The following IPMK variants were observed in gnomAD, a reference collection of about 807,000 sequenced individuals.
The protein encoded by IPMK is inositol 1,3,4,6-tetrakisphosphate 5-kinase.
IPMK carries 17 observed loss-of-function variants against 45.8 expected under a neutral mutation model. The observed-to-expected ratio is 0.37, with a 90% CI of 0.25 to 0.56. The LOEUF is 0.56. Ranked by LOEUF, IPMK falls within the 20% of genes least tolerant of loss-of-function variation. The pLI is 0.79. For missense variants in IPMK, 399 were observed against 498.0 expected, an observed-to-expected ratio of 0.80 and a Z score of 1.89; for synonymous variants, 180 against 184.3, an observed-to-expected ratio of 0.98 and a Z score of 0.19.
chr10:58,217,151 T>A (rs373427667), intron 3 of IPMK, among the ~76,000 whole-genome samples: 3 of 139,576 alleles, frequency 2.1e-5, no homozygotes, highest in African/African-American at 8.3e-5. Context: ...GCCCAGCCCA[T>A]CTTGCTTTTT....
At chr10:58,246,655 A>C (rs1015836181) in intron 1 of IPMK, among the ~76,000 whole-genome samples, 1 of 147,672 alleles carries the variant, frequency 6.8e-6, no homozygotes, top group Non-Finnish European at 1.5e-5. Context: ...AAATCAATTC[A>C]AGATGGATTA....
intron 1 of IPMK, among the ~76,000 whole-genome samples, chr10:58,238,735 A>C (rs190301873): frequency 6.6e-6 from 1 of 152,192 alleles, no homozygotes; most frequent in Non-Finnish European, 1.5e-5. Flanking sequence ...AAATTCAATC[A>C]TTGTGCTTAT....
intron 1 of IPMK, among the ~76,000 whole-genome samples, chr10:58,242,415 G>A (rs1250044067): frequency 6.9e-6 from 1 of 145,252 alleles, no homozygotes; most frequent in Non-Finnish European, 1.5e-5. Context: ...AGTCGCGATT[G>A]TGCCACTGCA....
chr10:58,209,825 G>T (rs1338080505), intron 4 of IPMK, among the ~76,000 whole-genome samples: 1 of 152,214 alleles, frequency 6.6e-6, no homozygotes, highest in Non-Finnish European at 1.5e-5. Flanking sequence ...TCCTTCCTGG[G>T]AGCAGTTATT....
chr10:58,244,592 A>G (rs1191156004), intron 1 of IPMK, among the ~76,000 whole-genome samples: 1 of 151,816 alleles, frequency 6.6e-6, no homozygotes, highest in Non-Finnish European at 1.5e-5. Context: ...TTTTGTCGAA[A>G]AAAAAGAAAA....
intron 4 of IPMK, 73 bp downstream of exon 4, chr10:58,216,072 A>C (rs968125747): frequency 9.4e-6 from 9 of 953,506 alleles, no homozygotes; most frequent in Non-Finnish European, 1.3e-5. Context: ...TTAGTACTAC[A>C]ATGACATCCA....
intron 1 of IPMK, among the ~76,000 whole-genome samples, chr10:58,256,729 TTC>T (rs1223985602): frequency 9.9e-5 from 15 of 152,162 alleles, no homozygotes; most frequent in African/African-American, 3.4e-4. Flanking sequence ...GCTGTAAAAT[TTC>T]TCTCTTTGTA....
At chr10:58,208,509 T>TA (rs1163118163) in intron 4 of IPMK, among the ~76,000 whole-genome samples, 3 of 152,190 alleles carry the variant, frequency 2.0e-5, no homozygotes, top group Non-Finnish European at 4.4e-5. Context: ...GTTTTTTATT[T>TA]ACTTTTTCTC....
chr10:58,230,362 T>A (rs373083976), intron 2 of IPMK, among the ~76,000 whole-genome samples: 4 of 152,234 alleles, frequency 2.6e-5, no homozygotes, highest in African/African-American at 7.2e-5. Context: ...AGTGGGTCCC[T>A]GACCCCCGTG....
rs1837885763 is a variant in IPMK at position 58,195,943 on chromosome 10, C to T, written c.*133G>A. The T allele has an allele frequency of 2.4e-6, 2 of 832,934 alleles. No homozygotes were observed. Among genetic ancestry groups the T allele is most frequent in the Admixed American group, 2.7e-5 (1 of 37,576 alleles). 51.6% of individuals were successfully genotyped at this position (832,934 alleles called of 1,614,324 possible). A position where few individuals can be genotyped will look rare whatever the true frequency, so the allele number is the denominator to read the frequency against. ...TAAGATTATAAAAAAGTTAACCATTCTTCCAAAAGTATAAAGACAAATAAA... is the reference window on the plus strand; with the variant it reads ...TAAGATTATAAAAAAGTTAACCATTTTTCCAAAAGTATAAAGACAAATAAA... On this transcript the variant is annotated 3_prime_UTR_variant, in exon 6 of 6. Transcript: ENST00000373935.
intron 3 of IPMK, among the ~76,000 whole-genome samples, chr10:58,224,364 T>C (rs1345246087): frequency 1.3e-5 from 2 of 152,236 alleles, no homozygotes; most frequent in Non-Finnish European, 2.9e-5. Context: ...TATGTGTTTA[T>C]ACACAGGTAC....
At chr10:58,251,851 C>T (rs1203507716) in intron 1 of IPMK, among the ~76,000 whole-genome samples, 1 of 152,200 alleles carries the variant, frequency 6.6e-6, no homozygotes, top group South Asian at 2.1e-4. Flanking sequence ...TATCCCTTTA[C>T]TTTCAATCTG....
At chr10:58,262,358 T>C (rs1251936786) in intron 1 of IPMK, among the ~76,000 whole-genome samples, 1 of 152,190 alleles carries the variant, frequency 6.6e-6, no homozygotes, top group African/African-American at 2.4e-5. Context: ...AACATATTAA[T>C]ATCACTGGGA....
chr10:58,212,348 T>C (rs1428391906), intron 4 of IPMK, among the ~76,000 whole-genome samples: 1 of 152,200 alleles, frequency 6.6e-6, no homozygotes, highest in Non-Finnish European at 1.5e-5. Flanking sequence ...ATTTTGTTTT[T>C]AGATAACCTA....
intron 1 of IPMK, among the ~76,000 whole-genome samples, chr10:58,265,072 T>C (rs7088198): frequency 1.3e-5 from 2 of 152,140 alleles, no homozygotes; most frequent in Non-Finnish European, 2.9e-5. Context: ...AGAACTAAGA[T>C]TTAAATGTAT....
intron 3 of IPMK, among the ~76,000 whole-genome samples, chr10:58,218,742 C>T (rs768253890): frequency 3.3e-5 from 5 of 152,088 alleles, no homozygotes; most frequent in East Asian, 1.9e-4. Flanking sequence ...AAACAAACAA[C>T]AAACTTTTTA....
intron 1 of IPMK, among the ~76,000 whole-genome samples, chr10:58,253,803 G>A (rs1469048810): frequency 1.3e-5 from 2 of 151,288 alleles, no homozygotes; most frequent in African/African-American, 4.9e-5. Flanking sequence ...CAATAGTCTT[G>A]GAGGACAATT....
chr10:58,206,351 G>A (rs978169050), intron 4 of IPMK, among the ~76,000 whole-genome samples: 4 of 152,180 alleles, frequency 2.6e-5, no homozygotes, highest in Non-Finnish European at 5.9e-5. Flanking sequence ...TTTTGCAGAA[G>A]TGGTAAAAAA....
intron 2 of IPMK, among the ~76,000 whole-genome samples, chr10:58,237,464 TCA>T (rs776466295): frequency 6.6e-6 from 1 of 152,224 alleles, no homozygotes; most frequent in Non-Finnish European, 1.5e-5. Context: ...AAATGTTGCC[TCA>T]CACAGAGGGT....
Sources: allele counts gnomAD v4.1 joint callset (sites outside exome capture counted in the v4.1 genomes callset), GRCh38; gene constraint gnomAD v4.1.1; transcripts MANE v1.5; gene names NCBI Gene and HGNC (gene_info 2026-07-23, HGNC 2026-07-21).